OPCML: variants seen among roughly 807,000 people sequenced by gnomAD.
OPCML encodes the protein opioid-binding protein/cell adhesion molecule.
Under a neutral mutation model 37.8 loss-of-function variants are expected in OPCML, and 13 were observed. That is an observed-to-expected ratio of 0.34 (90% confidence interval 0.22 to 0.55). The LOEUF (loss-of-function observed/expected upper bound fraction) is 0.55, where lower values mean the gene tolerates loss of function less well. Ranked by LOEUF, OPCML falls within the 20% of genes least tolerant of loss-of-function variation. The probability of loss-of-function intolerance (pLI) is 0.91; values close to 1 mark genes in which losing one functional copy is unlikely to be tolerated. For missense variants in OPCML, 341 were observed against 435.6 expected (o/e 0.78, Z 1.93); for synonymous variants, 176 against 168.8 (o/e 1.04, Z -0.33).
chr11:132,721,933 A>G (rs1394261440), intron 2 of OPCML, among the ~76,000 whole-genome samples: 2 of 109,426 alleles, frequency 1.8e-5, no homozygotes, highest in Non-Finnish European at 3.9e-5. Flanking sequence ...AAGGGAATGT[A>G]TTTTTTCTTT....
chr11:132,893,131 C>T (rs960219301), intron 2 of OPCML, among the ~76,000 whole-genome samples: 6 of 152,098 alleles, frequency 3.9e-5, no homozygotes, highest in African/African-American at 1.4e-4. Flanking sequence ...TTAGACCCTT[C>T]GTTGTCACAG....
chr11:133,009,228 T>C, intron 1 of OPCML: 2 of 985,394 alleles, frequency 2.0e-6, no homozygotes, highest in Non-Finnish European at 2.4e-6. Flanking sequence ...TCAGGGAACT[T>C]CAAGTGTTGC....
At chr11:133,476,019 CA>C (rs1947230433) in intron 1 of OPCML, among the ~76,000 whole-genome samples, 1 of 152,126 alleles carries the variant, frequency 6.6e-6, no homozygotes, top group African/African-American at 2.4e-5. Flanking sequence ...AAAATGGCTT[CA>C]AAAGCTTCTA....
chr11:133,272,270 G>T (rs1020627533), intron 1 of OPCML, among the ~76,000 whole-genome samples: 2 of 129,744 alleles, frequency 1.5e-5, no homozygotes, highest in African/African-American at 5.6e-5. Context: ...AAAAAAAAAA[G>T]AAAACTGAAA....
At chr11:132,486,714 C>A (rs897311940) in intron 4 of OPCML, among the ~76,000 whole-genome samples, 1 of 150,300 alleles carries the variant, frequency 6.7e-6, no homozygotes, top group Admixed American at 6.7e-5. Flanking sequence ...TTTTTTTACA[C>A]ATCATCTATC....
At chr11:132,426,447 C>A (rs1274993045) in intron 7 of OPCML, among the ~76,000 whole-genome samples, 3 of 151,220 alleles carry the variant, frequency 2.0e-5, no homozygotes, top group African/African-American at 7.3e-5. Flanking sequence ...TTTGCCATTA[C>A]TTTTTTTTTA....
intron 1 of OPCML, among the ~76,000 whole-genome samples, chr11:133,478,043 G>C (rs532533401): frequency 2.0e-5 from 3 of 152,164 alleles, no homozygotes; most frequent in Admixed American, 1.3e-4. Context: ...GCTGGCTTGC[G>C]ACTAATTAAG....
intron 1 of OPCML, among the ~76,000 whole-genome samples, chr11:132,948,171 C>T (rs1023912544): frequency 2.0e-5 from 3 of 152,210 alleles, no homozygotes; most frequent in African/African-American, 7.2e-5. Context: ...AGAAGACAGA[C>T]ACAGAGACGA....
chr11:132,437,356 C>T lies in OPCML; in HGVS notation c.509G>A (p.Gly170Asp), dbSNP rs142789531. 4 of 1,613,908 alleles carry T rather than the reference C, an allele frequency of 2.5e-6. No homozygotes were observed. The African/African-American group carries it at 4.0e-5, about 16-fold the overall frequency. The change falls in exon 5 of 8, where the codon GGC becomes GAC. Residue 170 changes from glycine to aspartate, a missense_variant. Physicochemically the swap from Gly to Asp is moderately conservative, Grantham distance 94. Coordinates refer to ENST00000524381, the MANE Select transcript of OPCML (RefSeq NM_001012393.5). Reference protein sequence around the residue: ...VTWRHLSVKEGQGFVSEDEYL... With the variant: ...VTWRHLSVKEDQGFVSEDEYL... ...CTCATCCTCACTTACAAAGCCCTGG[C>T]CTTCTGGGAAGAAAGAAGCAGACAG...
At chr11:133,291,820 G>A (rs1942484878) in intron 1 of OPCML, among the ~76,000 whole-genome samples, 1 of 152,174 alleles carries the variant, frequency 6.6e-6, no homozygotes, top group African/African-American at 2.4e-5. Flanking sequence ...TCACAAAAAA[G>A]TTCAGGTGGT....
intron 1 of OPCML, among the ~76,000 whole-genome samples, chr11:133,091,227 G>T (rs563588114): frequency 6.6e-6 from 1 of 152,162 alleles, no homozygotes; most frequent in Non-Finnish European, 1.5e-5. Context: ...TAGAGTTCAC[G>T]AGCTGTGAGG....
At chr11:132,757,685 T>C (rs986084579) in intron 2 of OPCML, among the ~76,000 whole-genome samples, 10 of 152,346 alleles carry the variant, frequency 6.6e-5, no homozygotes, top group African/African-American at 2.4e-4. Flanking sequence ...TCCTTGTAGA[T>C]TCGGGATATT....
chr11:133,446,613 T>G (rs923096680), intron 1 of OPCML, among the ~76,000 whole-genome samples: 1 of 152,192 alleles, frequency 6.6e-6, no homozygotes, highest in African/African-American at 2.4e-5. Context: ...AGTAAATTTA[T>G]AGAGTTGTGC....
chr11:133,350,543 C>T (rs1237250369), intron 1 of OPCML, among the ~76,000 whole-genome samples: 1 of 152,052 alleles, frequency 6.6e-6, no homozygotes, highest in Non-Finnish European at 1.5e-5. Context: ...GGAATGTCAC[C>T]CCCACCAAAA....
At chr11:133,073,367 C>G (rs2137014165) in intron 1 of OPCML, among the ~76,000 whole-genome samples, 1 of 152,348 alleles carries the variant, frequency 6.6e-6, no homozygotes, top group Admixed American at 6.5e-5. Context: ...AAGGGCACAG[C>G]AGGTGCTGGG....
chr11:133,059,501 A>G (rs940194997), intron 1 of OPCML, among the ~76,000 whole-genome samples: 2 of 152,222 alleles, frequency 1.3e-5, no homozygotes, highest in Non-Finnish European at 2.9e-5. Context: ...CCATTGCATG[A>G]GTAGTCACTG....
chr11:132,912,104 T>C, intron 2 of OPCML, among the ~76,000 whole-genome samples: 1 of 151,870 alleles, frequency 6.6e-6, no homozygotes, highest in East Asian at 1.9e-4. Flanking sequence ...ACTCATGGAA[T>C]AACATGGACT....
chr11:132,478,205 G>T (rs558645119), intron 4 of OPCML, among the ~76,000 whole-genome samples: 7 of 152,130 alleles, frequency 4.6e-5, no homozygotes, highest in Non-Finnish European at 8.8e-5. Context: ...AATACCAATT[G>T]TTCTAAGTTT....
chr11:132,872,863 G>C (rs375653582), intron 2 of OPCML, among the ~76,000 whole-genome samples: 3 of 151,710 alleles, frequency 2.0e-5, no homozygotes, highest in Middle Eastern at 3.2e-3. Context: ...GCTATTAGCT[G>C]AGTATCATTA....
Sources: allele counts gnomAD v4.1 joint callset (sites outside exome capture counted in the v4.1 genomes callset), GRCh38; gene constraint gnomAD v4.1.1; transcripts MANE v1.5; gene names NCBI Gene and HGNC (gene_info 2026-07-23, HGNC 2026-07-21).